The following LYST variants were observed in gnomAD, a reference collection of about 807,000 sequenced individuals.
LYST encodes lysosomal-trafficking regulator.
In LYST, 192 loss-of-function variants were observed where a neutral mutation model predicts 413.6. The ratio of observed to expected loss-of-function variants is 0.46; its 90% CI spans 0.41 to 0.52. LYST has a LOEUF of 0.52. Ranked by LOEUF, LYST falls within the 20% of genes least tolerant of loss-of-function variation. The pLI is 0.00. For missense variants in LYST, 3,815 were observed against 4,499.9 expected (o/e 0.85, Z 4.35); for synonymous variants, 1,525 against 1,567.3 (o/e 0.97, Z 0.64).
At chr1:235,739,290 C>T (rs959296562) in intron 31 of LYST, among the ~76,000 whole-genome samples, 7 of 152,182 alleles carry the variant, frequency 4.6e-5, no homozygotes, top group Admixed American at 2.0e-4. Flanking sequence ...CTCTAAGGCA[C>T]CACTGCCAAT....
rs199554293 is a variant in LYST, at chr1:235,751,349, T to C, written c.7641A>G (p.Ala2547=). 1.2e-6 allele frequency: 2 copies of C among 1,613,286 alleles called. No homozygotes were observed. The highest frequency in any genetic ancestry group is 2.7e-5 in the African/African-American group (2 of 74,916). Residue 2547 remains alanine, a synonymous_variant, in exon 28 of 53, where the codon GCA becomes GCG. Coordinates refer to ENST00000389793, the MANE Select transcript of LYST (RefSeq NM_000081.4). The part of the protein sequence containing the change: ...KNKRTQNMAV[A]LQLRVLQAAM... ...CAGCCTGGAGAACTCTAAGCTGTAGTGCAACAGCCATATCTAAAAACAGAA... is the reference window on the plus strand; with the variant it reads ...CAGCCTGGAGAACTCTAAGCTGTAGCGCAACAGCCATATCTAAAAACAGAA...
Position 235,788,774 on chromosome 1 carries a change from T to C in LYST, c.4615A>G (p.Ile1539Val), listed in dbSNP as rs368074318. 5.1e-5 allele frequency: 82 copies of C among 1,613,508 alleles called. No individual in the cohort carries two copies. Among genetic ancestry groups the C allele is most frequent in the East Asian group, 6.7e-5 (3 of 44,828 alleles). The part of the protein sequence containing the change: ...ERLIEEGCIH[I>V]ISLGSKALMI... ...AACGCTTTGGATCCCAGTGAAATTA[T>C]ATGAATACATCCTTCTTCTATGAGT... The change falls in exon 13 of 53, where the codon ATA (isoleucine) becomes GTA (valine). Residue 1539 changes from isoleucine to valine, a missense_variant. By Grantham distance (29) the Ile-to-Val change is conservative (BLOSUM62 3). Around this residue, in one of 4 missense-constraint regions of LYST, gnomAD observed 1,648 missense variants for 1,810.3 expected, o/e 0.91. Coordinates refer to ENST00000389793, the MANE Select transcript of LYST (RefSeq NM_000081.4).
chr1:235,695,056 T>C (rs1451475024), intron 46 of LYST, among the ~76,000 whole-genome samples: 1 of 152,222 alleles, frequency 6.6e-6, no homozygotes, highest in Non-Finnish European at 1.5e-5. Context: ...CTCTAGAATG[T>C]CTATGTGGAC....
rs1339039864 is a variant in LYST, at chr1:235,848,888, T to TA, written c.-97-15222dup. ...GAAATGGTAATTTAATAATTACCACTAAAAAAAAAGTCCAGGACCAGACAG... is the reference window on the plus strand; with the variant it reads ...GAAATGGTAATTTAATAATTACCACTAAAAAAAAAAGTCCAGGACCAGACAG... On this transcript the variant is annotated intron_variant, in intron 1 of 52. Coordinates refer to ENST00000389793, the MANE Select transcript of LYST (RefSeq NM_000081.4). Among the ~76,000 whole-genome samples, 7 of 150,444 alleles carry TA rather than the reference T, an allele frequency of 4.7e-5. No individual in the cohort carries two copies. In the South Asian group the frequency reaches 1.0e-3, roughly 23 times the overall value.
intron 38 of LYST, among the ~76,000 whole-genome samples, chr1:235,727,526 A>G (rs933980081): frequency 1.3e-5 from 2 of 152,150 alleles, no homozygotes; most frequent in African/African-American, 4.8e-5. Flanking sequence ...TGAAACAAAA[A>G]GCTTATTTCT....
chr1:235,802,143 G>A (rs901749007), intron 8 of LYST, among the ~76,000 whole-genome samples: 2 of 132,790 alleles, frequency 1.5e-5, no homozygotes, highest in Admixed American at 8.7e-5. Flanking sequence ...GCAGTGAGTC[G>A]AGATCACGCC....
chr1:235,707,353 A>T (rs1175247393), intron 44 of LYST, among the ~76,000 whole-genome samples: 1 of 152,156 alleles, frequency 6.6e-6, no homozygotes, highest in African/African-American at 2.4e-5. Context: ...TAGGCCAGAC[A>T]TGGTGGCTCA....
rs1665392029 is a variant in LYST at position 235,741,423 on chromosome 1, T to G, written c.8357A>C (p.Gln2786Pro). The G allele has an allele frequency of 1.9e-6, 3 of 1,611,672 alleles. No homozygotes were observed. ...ILRDCLSPSL[Q>P]HGAKLVLYLS... ...TCTTATCAAAGCTGAGATACTTACT[T>G]GTAGGGATGGGCTGAGACAGTCTCG... The change falls in exon 31 of 53, where the codon CAA (glutamine) becomes CCA (proline). Residue 2786 changes from glutamine (Q) to proline (P), a missense_variant and splice_region_variant. Physicochemically the swap from Gln to Pro is moderately conservative, Grantham distance 76. Coordinates refer to ENST00000389793, the MANE Select transcript of LYST (RefSeq NM_000081.4).
chr1:235,859,436 G>T (rs1423682852), intron 1 of LYST, among the ~76,000 whole-genome samples: 3 of 151,394 alleles, frequency 2.0e-5, no homozygotes, highest in East Asian at 1.9e-4. Flanking sequence ...GTATTTGAAA[G>T]AATATATTTA....
Position 235,762,824 on chromosome 1 carries a change from C to A in LYST, c.6149G>T (p.Arg2050Leu). The A allele has an allele frequency of 6.2e-7, 1 of 1,613,326 alleles. No individual in the cohort carries two copies. The highest frequency in any genetic ancestry group is 8.5e-7 in the Non-Finnish European group (1 of 1,179,510). The change falls in exon 22 of 53, where the codon CGG becomes CTG. Residue 2050 changes from arginine (R) to leucine (L), a missense_variant. Arg to Leu is a moderately radical substitution (Grantham distance 102). Transcript: ENST00000389793. ...IDGKIFQEKV[R>L]SIMYLRHSSS... Reference sequence around the variant, plus strand: ...GGAATGCCTCAGGTACATGATTGACCGCACTTTCTCCTGAAAGATCTTGCC... The same window carrying A: ...GGAATGCCTCAGGTACATGATTGACAGCACTTTCTCCTGAAAGATCTTGCC...
intron 43 of LYST, 107 bp downstream of exon 43, chr1:235,711,950 G>T: frequency 1.4e-6 from 1 of 725,068 alleles, no homozygotes; most frequent in Non-Finnish European, 2.2e-6. Context: ...TCTTATTTGG[G>T]GACTCAAAAA....
chr1:235,877,855 C>CAAAAA (rs59783076), intron 1 of LYST, among the ~76,000 whole-genome samples: 3 of 113,496 alleles, frequency 2.6e-5, no homozygotes, highest in African/African-American at 1.1e-4. Context: ...TATCTGCCAC[C>CAAAAA]AAAAAAAAAA....
At chr1:235,733,754 T>C (rs562961895) in intron 33 of LYST, 63 bp from the exon 34 acceptor site, 6 of 1,519,606 alleles carry the variant, frequency 3.9e-6, no homozygotes, top group South Asian at 2.2e-5. Flanking sequence ...CAGAACATGA[T>C]ACTTTAAAAC....
rs149305367 is a variant in LYST at position 235,859,473 on chromosome 1, G to T, written c.-98+7370C>A. On this transcript the variant is annotated intron_variant, in intron 1 of 52. Coordinates refer to ENST00000389793, the MANE Select transcript of LYST (RefSeq NM_000081.4). ...TGAACAAATGAAAATTGTTTTATTG[G>T]GTTTAGGCTTCTCTCCTGAGCACCA... is the stretch of plus-strand genomic sequence containing the variant. 9.3e-5 allele frequency among the ~76,000 whole-genome samples: 14 copies of T among 149,976 alleles called. No individual in the cohort carries two copies. In the East Asian group the frequency reaches 2.7e-3, roughly 29 times the overall value.
In LYST at chr1:235,757,491, T is replaced by C. The variant is rs1467607486; in HGVS notation, c.6882-33A>G. The C allele has an allele frequency of 3.2e-6, 5 of 1,553,898 alleles. No homozygotes were observed. In the Admixed American group the frequency reaches 8.3e-5, roughly 26 times the overall value. ...AGAGACCAAAAAAGTCTTACTAACA[T>C]GACAAGAAAAGTACTTGATGATTAC... On this transcript the variant is annotated intron_variant, in intron 23 of 52. Transcript: ENST00000389793.
chr1:235,666,886 GAT>G (rs1402907911), intron 50 of LYST, among the ~76,000 whole-genome samples: 1 of 152,112 alleles, frequency 6.6e-6, no homozygotes, highest in Non-Finnish European at 1.5e-5. Flanking sequence ...AGCCATAAAA[GAT>G]ATTGAGGTAG....
At chr1:235,730,289 C>T (rs190799864) in intron 36 of LYST, among the ~76,000 whole-genome samples, 326 of 151,878 alleles carry the variant, frequency 2.1e-3, no homozygotes, top group Non-Finnish European at 3.6e-3. Context: ...TACTCAACAA[C>T]GCTATGATAC....
At chr1:235,792,431 C>T (rs1251514624) in intron 11 of LYST, among the ~76,000 whole-genome samples, 2 of 151,830 alleles carry the variant, frequency 1.3e-5, no homozygotes, top group African/African-American at 4.8e-5. Context: ...TCTCCTGCCT[C>T]AGCCTCTGGA....
At chr1:235,700,722 A>G (rs1402922305) in intron 45 of LYST, among the ~76,000 whole-genome samples, 4 of 152,212 alleles carry the variant, frequency 2.6e-5, no homozygotes. Flanking sequence ...CATCACACAG[A>G]AATGCAGCAA....
Sources: gnomAD v4.1 joint callset for allele counts (sites outside exome capture counted in the v4.1 genomes callset) on GRCh38, gnomAD v4.1.1 for gene constraint, gnomAD v4.1.1 regional missense constraint, MANE v1.5 for transcripts, NCBI Gene and HGNC (gene_info 2026-07-23, HGNC 2026-07-21) for gene names.